Variants in FBXO11 observed in about 807,000 individuals in gnomAD.
FBXO11 encodes F-box protein 11, also known as F-box only protein 11.
Under a neutral mutation model 117.0 loss-of-function variants are expected in FBXO11, and 13 were observed. That is an observed-to-expected ratio of 0.11 (90% CI 0.07 to 0.18). FBXO11 has a LOEUF of 0.18. Among genes scored for constraint, FBXO11 ranks in the 10% least tolerant of loss-of-function variants. The pLI is 1.00. For synonymous variants in FBXO11, 490 were observed against 380.5 expected (o/e 1.29, Z -3.35); for missense variants, 767 against 1,164.4 (o/e 0.66, Z 4.97).
chr2:47,845,715 C>T (rs1005830725), intron 1 of FBXO11, among the ~76,000 whole-genome samples: 9 of 151,974 alleles, frequency 5.9e-5, no homozygotes, highest in African/African-American at 1.9e-4. Context: ...GCTCTGAGGG[C>T]GAGGCAGGGT....
chr2:47,849,359 C>T lies in FBXO11; in HGVS notation c.233-9590G>A, dbSNP rs540119470. ...AAATTATTTATTTAGGATACTGTTA[C>T]ATAATACTTCCATTAATGTATTCAG... On this transcript the variant is annotated intron_variant, in intron 1 of 22. Transcript: ENST00000403359. 1.2e-3 allele frequency among the ~76,000 whole-genome samples: 188 copies of T among 152,296 alleles called. 1 individual carries two copies. Among genetic ancestry groups the T allele is most frequent in the African/African-American group, 4.3e-3 (179 of 41,568 alleles).
At chr2:47,828,568 C>T (rs1228135634) in intron 11 of FBXO11, among the ~76,000 whole-genome samples, 1 of 150,772 alleles carries the variant, frequency 6.6e-6, no homozygotes, top group African/African-American at 2.4e-5. Flanking sequence ...GCGATTGCAC[C>T]ACTGCACTCC....
At chr2:47,859,938 A>T (rs531661907) in intron 1 of FBXO11, among the ~76,000 whole-genome samples, 12 of 152,190 alleles carry the variant, frequency 7.9e-5, no homozygotes, top group Non-Finnish European at 1.3e-4. Flanking sequence ...TGAGATTCTC[A>T]TGAAAAGTTC....
At chr2:47,900,643 TATACACACGTATACAC>T (rs1572931587) in intron 1 of FBXO11, among the ~76,000 whole-genome samples, 2 of 87,828 alleles carry the variant, frequency 2.3e-5, no homozygotes, top group Non-Finnish European at 5.4e-5. Context: ...CACGTACGTA[TATACACACGTATACAC>T]ACACGTACGT....
At chr2:47,810,630 T>A in intron 18 of FBXO11, 1 of 462,340 alleles carries the variant, frequency 2.2e-6, no homozygotes. Context: ...GTAAGAGCAT[T>A]CTGACCAATA....
At chr2:47,861,097 G>A (rs932543387) in intron 1 of FBXO11, among the ~76,000 whole-genome samples, 3 of 151,888 alleles carry the variant, frequency 2.0e-5, no homozygotes, top group East Asian at 1.9e-4. Context: ...TGATCCACCC[G>A]CCACGGCCTC....
chr2:47,807,119 G>A lies in FBXO11; in HGVS notation c.*999C>T, dbSNP rs970904988. On this transcript the variant is annotated 3_prime_UTR_variant, in exon 23 of 23. Transcript: ENST00000403359. ...ACTGTCACCAATACACATAAATGGGGGAGGAAAAGCTATGAAACTGTATAG... is the reference window on the plus strand; with the variant it reads ...ACTGTCACCAATACACATAAATGGGAGAGGAAAAGCTATGAAACTGTATAG... The A allele has an allele frequency of 1.3e-5, 6 of 472,746 alleles. No homozygotes were observed. Among genetic ancestry groups the A allele is most frequent in the African/African-American group, 1.2e-4 (6 of 51,200 alleles). The allele number at this position is 472,746 out of a possible 1,614,324, so 29.3% of individuals were successfully genotyped here.
chr2:47,900,588 ACG>A (rs1199869665), intron 1 of FBXO11, among the ~76,000 whole-genome samples: 340 of 142,058 alleles, frequency 2.4e-3, no homozygotes, highest in Non-Finnish European at 3.7e-3. Flanking sequence ...ACACATATAT[ACG>A]TATATACACA....
Position 47,806,930 on chromosome 2 carries a change from A to G in FBXO11, c.*1188T>C. 8.7e-7 allele frequency: 1 copy of G among 1,155,526 alleles called. No homozygotes were observed. The highest frequency in any genetic ancestry group is 1.3e-6 in the Non-Finnish European group (1 of 777,462). 71.6% of individuals were successfully genotyped at this position (1,155,526 alleles called of 1,614,324 possible). ...TAAATTCAGACAACATTATGATCTA[A>G]TAAACTTTATTTTTTAAAAATGACC... On this transcript the variant is annotated 3_prime_UTR_variant, in exon 23 of 23. Coordinates refer to ENST00000403359, the MANE Select transcript of FBXO11 (RefSeq NM_001190274.2).
chr2:47,841,177 A>G (rs1308605347), intron 1 of FBXO11, among the ~76,000 whole-genome samples: 2 of 152,062 alleles, frequency 1.3e-5, no homozygotes. Context: ...CAGCCTGGGC[A>G]ACAGAGCAAG....
rs138163960 is a variant in FBXO11, at chr2:47,816,218, C to T, written c.2007-2351G>A. 3.4e-3 allele frequency among the ~76,000 whole-genome samples: 518 copies of T among 152,264 alleles called. 3 individuals are homozygous for T. The highest frequency in any genetic ancestry group is 0.02 in the Middle Eastern group (6 of 294). ...TTTTTGAGACAGGGTCTCACTCAGT[C>T]ATCCAGGCTGGAGCACAGTGGTATA... On this transcript the variant is annotated intron_variant, in intron 16 of 22. Transcript: ENST00000403359.
chr2:47,867,965 A>G (rs1347402092), intron 1 of FBXO11, among the ~76,000 whole-genome samples: 1 of 152,160 alleles, frequency 6.6e-6, no homozygotes, highest in African/African-American at 2.4e-5. Flanking sequence ...ACAGTTAGCA[A>G]GAGTCATATA....
intron 1 of FBXO11, among the ~76,000 whole-genome samples, chr2:47,891,076 T>TGCCTCC (rs1311842964): frequency 6.6e-6 from 1 of 152,034 alleles, no homozygotes; most frequent in Non-Finnish European, 1.5e-5. Flanking sequence ...CTCCTGCCTC[T>TGCCTCC]GCCTCCCAAC....
chr2:47,889,060 G>C (rs1018071498), intron 1 of FBXO11, among the ~76,000 whole-genome samples: 3 of 152,192 alleles, frequency 2.0e-5, no homozygotes, highest in African/African-American at 7.2e-5. Context: ...AAGTGTCTAT[G>C]TGCAAATGGC....
intron 1 of FBXO11, among the ~76,000 whole-genome samples, chr2:47,886,623 T>A (rs543742603): frequency 6.1e-4 from 93 of 152,166 alleles, no homozygotes; most frequent in Non-Finnish European, 1.2e-3. Context: ...TGTTAACAGA[T>A]AAATATTTAA....
intron 1 of FBXO11, among the ~76,000 whole-genome samples, chr2:47,850,052 T>TACA (rs1673737474): frequency 6.6e-6 from 1 of 152,114 alleles, no homozygotes; most frequent in Non-Finnish European, 1.5e-5. Context: ...GTAAGGGAGC[T>TACA]ACAGCACAAT....
At chr2:47,829,343 C>T (rs1051847764) in intron 11 of FBXO11, among the ~76,000 whole-genome samples, 2 of 152,106 alleles carry the variant, frequency 1.3e-5, no homozygotes, top group Non-Finnish European at 2.9e-5. Flanking sequence ...TGGATTCAAG[C>T]GATTCTCTTG....
chr2:47,812,959 T>G (rs1365781646), intron 18 of FBXO11: 2 of 407,634 alleles, frequency 4.9e-6, no homozygotes, highest in African/African-American at 4.1e-5. Context: ...ATATTACTAT[T>G]CTGAATTTTA....
intron 1 of FBXO11, among the ~76,000 whole-genome samples, chr2:47,900,776 GTATACACACACGTGTATA>G (rs1678147547): frequency 2.6e-5 from 2 of 76,384 alleles, no homozygotes; most frequent in Non-Finnish European, 5.2e-5. Flanking sequence ...ATATATACAC[GTATACACACACGTGTATA>G]TATATACACG....
Sources: allele counts gnomAD v4.1 joint callset (sites outside exome capture counted in the v4.1 genomes callset), GRCh38; gene constraint gnomAD v4.1.1; transcripts MANE v1.5; gene names NCBI Gene and HGNC (gene_info 2026-07-23, HGNC 2026-07-21).